The following PPTC7 variants were observed in gnomAD, a reference collection of about 807,000 sequenced individuals.
The protein encoded by PPTC7 is protein phosphatase targeting COQ7.
In PPTC7, 6 loss-of-function variants were observed where a neutral mutation model predicts 30.8. The observed-to-expected ratio is 0.19, with a 90% confidence interval of 0.11 to 0.38. The LOEUF (loss-of-function observed/expected upper bound fraction) is 0.38. PPTC7 is among the 10% of genes least tolerant of loss of function. The probability of loss-of-function intolerance (pLI) is 1.00; values close to 1 mark genes in which losing one functional copy is unlikely to be tolerated. For synonymous variants in PPTC7, 163 were observed against 168.1 expected (o/e 0.97, Z 0.23); for missense variants, 218 against 404.8 (o/e 0.54, Z 3.96).
At chr12:110,547,976 G>C (rs920560965) in intron 2 of PPTC7, among the ~76,000 whole-genome samples, 1 of 152,088 alleles carries the variant, frequency 6.6e-6, no homozygotes, top group Non-Finnish European at 1.5e-5. Context: ...ACGTGGTGGT[G>C]CACACCTGTA....
intron 3 of PPTC7, among the ~76,000 whole-genome samples, chr12:110,545,504 T>C (rs1005226921): frequency 6.6e-6 from 1 of 152,246 alleles, no homozygotes; most frequent in Admixed American, 6.5e-5. Flanking sequence ...CTGTTTGTGC[T>C]CTTCCCTAAC....
chr12:110,541,700 CAAAAAAAA>C (rs748911395), intron 3 of PPTC7, among the ~76,000 whole-genome samples: 1 of 66,478 alleles, frequency 1.5e-5, no homozygotes, highest in Non-Finnish European at 3.3e-5. Flanking sequence ...AACTCCGTCT[CAAAAAAAA>C]AAAAAAAAAA....
intron 1 of PPTC7, among the ~76,000 whole-genome samples, chr12:110,558,457 A>G (rs1256019652): frequency 6.6e-6 from 1 of 152,238 alleles, no homozygotes; most frequent in African/African-American, 2.4e-5. Flanking sequence ...TAATCATCTT[A>G]TGTCTCCATT....
intron 1 of PPTC7, among the ~76,000 whole-genome samples, chr12:110,557,389 C>A (rs1021544272): frequency 6.6e-6 from 1 of 152,134 alleles, no homozygotes; most frequent in African/African-American, 2.4e-5. Flanking sequence ...TTCCTCCCAC[C>A]TCAGCCTCCT....
intron 2 of PPTC7, among the ~76,000 whole-genome samples, chr12:110,547,480 T>C (rs1314271576): frequency 6.6e-6 from 1 of 152,226 alleles, no homozygotes; most frequent in East Asian, 1.9e-4. Context: ...GGCTATTTTA[T>C]AGCCATTAAG....
At chr12:110,543,655 G>C (rs990968106) in intron 3 of PPTC7, among the ~76,000 whole-genome samples, 1 of 152,200 alleles carries the variant, frequency 6.6e-6, no homozygotes, top group Non-Finnish European at 1.5e-5. Context: ...CTGTCTGTGA[G>C]AGTCTTGCTC....
intron 1 of PPTC7, among the ~76,000 whole-genome samples, chr12:110,571,712 A>C (rs1376730899): frequency 6.6e-6 from 1 of 152,192 alleles, no homozygotes; most frequent in Admixed American, 6.5e-5. Flanking sequence ...TTTCATACTA[A>C]AGAGCTTCAG....
intron 3 of PPTC7, among the ~76,000 whole-genome samples, chr12:110,542,673 C>CCAAAAAA (rs1220409573): frequency 7.5e-5 from 2 of 26,774 alleles, no homozygotes; most frequent in African/African-American, 1.8e-4. Context: ...GACTCTGTCT[C>CCAAAAAA]AAAAAAAAAA....
At chr12:110,560,026 C>T (rs1338005613) in intron 1 of PPTC7, among the ~76,000 whole-genome samples, 1 of 152,128 alleles carries the variant, frequency 6.6e-6, no homozygotes, top group African/African-American at 2.4e-5. Flanking sequence ...CTGAGCCCAG[C>T]CAAGAAGAAA....
At position 110,556,744 on chromosome 12, in the gene PPTC7, G is replaced by C. The variant is rs554264373; in HGVS notation, c.224-4776C>G. On this transcript the variant is annotated intron_variant, in intron 1 of 5. Transcript: ENST00000354300. Reference sequence around the variant, plus strand: ...TGCATGCTGCGCTAGGAAATAAGACGGCTGAGAAAGCCGGTCTCTGAGAAG... The same window carrying C: ...TGCATGCTGCGCTAGGAAATAAGACCGCTGAGAAAGCCGGTCTCTGAGAAG... 2.6e-5 allele frequency among the ~76,000 whole-genome samples: 4 copies of C among 152,298 alleles called. 1 individual carries two copies. The South Asian group carries it at 8.3e-4, about 32-fold the overall frequency.
At chr12:110,546,194 C>T (rs1443835715) in intron 2 of PPTC7, 116 bp from the exon 3 acceptor site, 10 of 776,060 alleles carry the variant, frequency 1.3e-5, no homozygotes, top group East Asian at 8.1e-5. Flanking sequence ...TTTGCCTAAA[C>T]AGGACCTTTC....
At chr12:110,551,190 T>C (rs1328860270) in intron 2 of PPTC7, among the ~76,000 whole-genome samples, 9 of 152,344 alleles carry the variant, frequency 5.9e-5, no homozygotes, top group Middle Eastern at 3.4e-3. Context: ...GGTTCACGTA[T>C]TGTGCAAGAG....
chr12:110,541,700 CAAAA>C (rs748911395), intron 3 of PPTC7, among the ~76,000 whole-genome samples: 2 of 66,480 alleles, frequency 3.0e-5, no homozygotes, highest in Non-Finnish European at 6.6e-5. Context: ...AACTCCGTCT[CAAAA>C]AAAAAAAAAA....
intron 1 of PPTC7, among the ~76,000 whole-genome samples, chr12:110,570,686 C>A (rs2064527315): frequency 7.9e-6 from 1 of 125,972 alleles, no homozygotes; most frequent in Admixed American, 8.7e-5. Flanking sequence ...TATGTGTATG[C>A]ATATCTAAAA....
rs190657314 is a variant in PPTC7 at position 110,544,082 on chromosome 12, T to C, written c.602+1798A>G. ...CAATAATGTAGATTACAGCCAACTTTAGAAGGGCCTAGAATCAAATACTCT... is the reference window on the plus strand; with the variant it reads ...CAATAATGTAGATTACAGCCAACTTCAGAAGGGCCTAGAATCAAATACTCT... On this transcript the variant is annotated intron_variant, in intron 3 of 5. Transcript: ENST00000354300. 6.6e-5 allele frequency among the ~76,000 whole-genome samples: 10 copies of C among 152,336 alleles called. No homozygotes were observed. In the East Asian group the frequency reaches 1.5e-3, roughly 24 times the overall value.
intron 3 of PPTC7, among the ~76,000 whole-genome samples, chr12:110,540,312 C>G (rs1353486722): frequency 7.4e-6 from 1 of 135,190 alleles, no homozygotes; most frequent in East Asian, 2.3e-4. Context: ...GAATTCCATC[C>G]CCCCCCGCCT....
intron 1 of PPTC7, among the ~76,000 whole-genome samples, chr12:110,578,908 G>A (rs754820909): frequency 2.6e-5 from 4 of 152,178 alleles, no homozygotes; most frequent in Non-Finnish European, 5.9e-5. Context: ...CACTTTGGGA[G>A]GCTGAGGCAG....
rs1235852413 is a variant in PPTC7 at position 110,545,972 on chromosome 12, C to T, written c.510G>A (p.Val170=). The T allele has an allele frequency of 2.5e-6, 4 of 1,614,182 alleles. No homozygotes were observed. Among genetic ancestry groups the T allele is most frequent in the East Asian group, 2.2e-5 (1 of 44,892 alleles). Residue 170 remains valine, a synonymous_variant, in exon 3 of 6, where the codon GTG becomes GTA. Coordinates refer to ENST00000354300, the MANE Select transcript of PPTC7 (RefSeq NM_139283.2). ...AATGCTGCTGCTCATCTGATCGGTGCACGACTTCACCACCCCTGACAACCA... is the reference window on the plus strand; with the variant it reads ...AATGCTGCTGCTCATCTGATCGGTGTACGACTTCACCACCCCTGACAACCA... ...GFLVVRGGEV[V]HRSDEQQHYF...
At chr12:110,576,013 G>C (rs1413586481) in intron 1 of PPTC7, among the ~76,000 whole-genome samples, 3 of 152,108 alleles carry the variant, frequency 2.0e-5, no homozygotes, top group Non-Finnish European at 2.9e-5. Flanking sequence ...CATCAACCCT[G>C]TAATCTTATG....
Sources: allele counts gnomAD v4.1 joint callset (sites outside exome capture counted in the v4.1 genomes callset), GRCh38; gene constraint gnomAD v4.1.1; transcripts MANE v1.5; gene names NCBI Gene and HGNC (gene_info 2026-07-23, HGNC 2026-07-21).